GLP1R: variants seen among roughly 807,000 people sequenced by gnomAD.
GLP1R encodes the protein glucagon-like peptide 1 receptor.
A neutral mutation model predicts 68.4 loss-of-function variants in GLP1R; 32 were observed. The observed-to-expected ratio is 0.47, with a 90% CI of 0.35 to 0.63. GLP1R has a LOEUF of 0.63. GLP1R is among the 20% of genes least tolerant of loss of function. GLP1R has a pLI of 0.00. For synonymous variants in GLP1R, 263 were observed against 244.4 expected, an observed-to-expected ratio of 1.08 and a Z score of -0.71; for missense variants, 502 against 594.9, an observed-to-expected ratio of 0.84 and a Z score of 1.62.
chr6:39,079,497 A>C lies in GLP1R; in HGVS notation c.1044-67A>C. ...GGACTTGGTAGGAAGTGGGGAGGGTAGAGAAAGGGAAGAAGAGTCCATGGG... is the reference window on the plus strand; with the variant it reads ...GGACTTGGTAGGAAGTGGGGAGGGTCGAGAAAGGGAAGAAGAGTCCATGGG... On this transcript the variant is annotated intron_variant, in intron 10 of 12. Transcript: ENST00000373256. This position sits in a 1 kb window ranked among gnomAD's most constrained non-coding sequence, Gnocchi z 4.5. 7.0e-7 allele frequency: 1 copy of C among 1,425,450 alleles called. No individual in the cohort carries two copies. The highest frequency in any genetic ancestry group is 9.5e-7 in the Non-Finnish European group (1 of 1,049,836). The allele number at this position is 1,425,450 out of a possible 1,614,324, so 88.3% of individuals were successfully genotyped here.
chr6:39,072,834 C>A, intron 5 of GLP1R, 28 bp from the exon 6 acceptor site: 1 of 1,605,094 alleles, frequency 6.2e-7, no homozygotes, highest in South Asian at 1.1e-5. Context: ...GCTGCCTTGC[C>A]AGGGAAAGGC....
At position 39,079,313 on chromosome 6, in the gene GLP1R, C is replaced by T. The variant is rs981372539; in HGVS notation, c.1043+113C>T. Reference sequence around the variant, plus strand: ...TTAGCTTAGAGCCCTACACTACCCTCTCCTTCCACCCAGGCCTGGCCTTGG... The same window carrying T: ...TTAGCTTAGAGCCCTACACTACCCTTTCCTTCCACCCAGGCCTGGCCTTGG... On this transcript the variant is annotated intron_variant, in intron 10 of 12. Transcript: ENST00000373256. The surrounding 1 kb of genome is among the most constrained non-coding windows in gnomAD (Gnocchi z 4.5). The T allele has an allele frequency of 1.0e-5, 9 of 887,200 alleles. No individual in the cohort carries two copies. The highest frequency in any genetic ancestry group is 6.5e-5 in the African/African-American group (4 of 61,156). The allele number at this position is 887,200 out of a possible 1,614,324, so 55.0% of individuals were successfully genotyped here.
In GLP1R at chr6:39,087,940, G is replaced by C. The variant is rs924869853; in HGVS notation, c.*1867G>C. Among the ~76,000 whole-genome samples, 9 of 152,138 alleles carry C rather than the reference G, an allele frequency of 5.9e-5. No homozygotes were observed. Among genetic ancestry groups the C allele is most frequent in the Non-Finnish European group, 1.2e-4 (8 of 68,014 alleles). ...AGCGTGGGCACCAGTGGGTTGATGT[G>C]GGAAACAGTGCTGGTGCAAGTGTTT... On this transcript the variant is annotated 3_prime_UTR_variant, in exon 13 of 13. Transcript: ENST00000373256.
chr6:39,048,819 G>T lies in GLP1R; in HGVS notation c.-22G>T. The T allele has an allele frequency of 8.0e-7, 1 of 1,252,690 alleles. No homozygotes were observed. The allele number at this position is 1,252,690 out of a possible 1,614,324, so 77.6% of individuals were successfully genotyped here. On this transcript the variant is annotated 5_prime_UTR_variant, in exon 1 of 13. Transcript: ENST00000373256. ...CGCGGTTCCGCAGGTGGCAGCGATG[G>T]CCCAGTCCTGAACTCCCCGCCATGG...
chr6:39,054,660 G>C (rs993500725), intron 1 of GLP1R, among the ~76,000 whole-genome samples: 6 of 152,132 alleles, frequency 3.9e-5, no homozygotes, highest in African/African-American at 1.4e-4. Flanking sequence ...ATACCTCTCT[G>C]CCTGCCCCAG....
intron 5 of GLP1R, among the ~76,000 whole-genome samples, chr6:39,069,741 T>A (rs1768610512): frequency 6.6e-6 from 1 of 152,178 alleles, no homozygotes; most frequent in East Asian, 1.9e-4. Flanking sequence ...ATAGACTTTT[T>A]TCTATCCCAC....
chr6:39,086,049 C>T lies in GLP1R; in HGVS notation c.1368C>T (p.Ala456=), dbSNP rs143473395. 356 of 1,613,816 alleles carry T rather than the reference C, an allele frequency of 2.2e-4. 1 individual carries two copies. Among genetic ancestry groups the T allele is most frequent in the Non-Finnish European group, 2.9e-4 (344 of 1,179,942 alleles). ...GATAGSSMYT[A]TCQASCS ...CGGCGGGCAGCAGCATGTACACAGCCACTTGCCAGGCCTCCTGCAGCTGAG... is the reference window on the plus strand; with the variant it reads ...CGGCGGGCAGCAGCATGTACACAGCTACTTGCCAGGCCTCCTGCAGCTGAG... The change falls in exon 13 of 13, where the codon GCC becomes GCT. Residue 456 remains alanine, a synonymous_variant. Transcript: ENST00000373256. This position sits in a 1 kb window ranked among gnomAD's most constrained non-coding sequence, Gnocchi z 4.5.
chr6:39,060,654 C>T (rs995391780), intron 3 of GLP1R, among the ~76,000 whole-genome samples: 4 of 152,226 alleles, frequency 2.6e-5, no homozygotes, highest in African/African-American at 4.8e-5. Flanking sequence ...GCCCTTCCAT[C>T]TTCTGCCAAT....
rs2150835569 is a variant in GLP1R at position 39,078,366 on chromosome 6, C to T, written c.868C>T (p.Leu290Phe). The change falls in exon 8 of 13, where the codon CTC (leucine) becomes TTC (phenylalanine). Residue 290 changes from leucine to phenylalanine, a missense_variant. Transcript: ENST00000373256. ...FVVPWGIVKY[L>F]YEDEGCWTRN... ...TGTCCCCTGGGGCATTGTCAAGTAC[C>T]TCTATGAGGACGAGGGGTGAGTGTC... The T allele has an allele frequency of 6.2e-7, 1 of 1,611,914 alleles. No homozygotes were observed. The highest frequency in any genetic ancestry group is 1.1e-5 in the South Asian group (1 of 91,018).
At chr6:39,055,110 G>A (rs1171646587) in intron 1 of GLP1R, among the ~76,000 whole-genome samples, 1 of 152,200 alleles carries the variant, frequency 6.6e-6, no homozygotes, top group Non-Finnish European at 1.5e-5. Context: ...GGCCTCCGAG[G>A]CAGCAAGGGG....
intron 3 of GLP1R, among the ~76,000 whole-genome samples, chr6:39,063,347 T>G (rs3778445): frequency 0.074 from 11,199 of 152,226 alleles, 533 homozygotes; most frequent in African/African-American, 0.12. Context: ...GAGGCATTTG[T>G]GGGCTTGAGA....
At chr6:39,065,663 G>C (rs1214649162) in intron 3 of GLP1R, 48 bp from the exon 4 acceptor site, 4 of 1,218,786 alleles carry the variant, frequency 3.3e-6, no homozygotes, top group Non-Finnish European at 4.7e-6. Flanking sequence ...CACTGGGCAG[G>C]CTGCCCTATT....
chr6:39,067,772 A>C (rs769068802), intron 5 of GLP1R, among the ~76,000 whole-genome samples: 6 of 152,222 alleles, frequency 3.9e-5, no homozygotes, highest in Non-Finnish European at 8.8e-5. Context: ...TCTAAGTCCA[A>C]AGTCTCATCT....
chr6:39,063,369 C>T (rs894474764), intron 3 of GLP1R, among the ~76,000 whole-genome samples: 14 of 152,100 alleles, frequency 9.2e-5, no homozygotes, highest in Admixed American at 5.9e-4. Flanking sequence ...GGGCCCTTCG[C>T]GTTGCTAAAA....
At chr6:39,084,534 G>C (rs1457300207) in intron 12 of GLP1R, among the ~76,000 whole-genome samples, 1 of 152,152 alleles carries the variant, frequency 6.6e-6, no homozygotes, top group Non-Finnish European at 1.5e-5. Flanking sequence ...CCTCCTGGCA[G>C]CTGCACAAGT....
rs1464150094 is a variant in GLP1R, at chr6:39,089,590, G to A, written c.*3517G>A. ...TCAGTCCCTCCCATTTCTTTCTTCC[G>A]CAAGGAAAGAACATTGCATGTGGGC... On this transcript the variant is annotated 3_prime_UTR_variant, in exon 13 of 13. Coordinates refer to ENST00000373256, the MANE Select transcript of GLP1R (RefSeq NM_002062.5). The surrounding 1 kb of genome is among the most constrained non-coding windows in gnomAD (Gnocchi z 4.1). Among the ~76,000 whole-genome samples the A allele has an allele frequency of 1.3e-5, 2 of 152,086 alleles. No individual in the cohort carries two copies. Among genetic ancestry groups the A allele is most frequent in the African/African-American group, 4.8e-5 (2 of 41,394 alleles).
rs1769164588 is a variant in GLP1R, at chr6:39,086,902, G to A, written c.*829G>A. ...AAGAATCCTCTGGGGTTCATCTAGGGACACGTTAGGAATGTCCAGACTGTG... is the reference window on the plus strand; with the variant it reads ...AAGAATCCTCTGGGGTTCATCTAGGAACACGTTAGGAATGTCCAGACTGTG... On this transcript the variant is annotated 3_prime_UTR_variant, in exon 13 of 13. Coordinates refer to ENST00000373256, the MANE Select transcript of GLP1R (RefSeq NM_002062.5). This position sits in a 1 kb window ranked among gnomAD's most constrained non-coding sequence, Gnocchi z 4.5. 1 of 152,582 alleles carries A rather than the reference G, an allele frequency of 6.6e-6. No individual in the cohort carries two copies. The highest frequency in any genetic ancestry group is 1.5e-5 in the Non-Finnish European group (1 of 68,048). 9.5% of individuals were successfully genotyped at this position (152,582 alleles called of 1,614,324 possible). A position where few individuals can be genotyped will look rare whatever the true frequency, so the allele number is the denominator to read the frequency against.
chr6:39,083,515 G>A (rs1329108649), intron 12 of GLP1R, among the ~76,000 whole-genome samples: 1 of 152,208 alleles, frequency 6.6e-6, no homozygotes, highest in Middle Eastern at 3.2e-3. Flanking sequence ...CAGGGAGGGG[G>A]AGGCCTGAAG....
chr6:39,080,645 T>G, intron 11 of GLP1R, 53 bp from the exon 12 acceptor site: 1 of 1,328,954 alleles, frequency 7.5e-7, no homozygotes, highest in Non-Finnish European at 1.1e-6. Context: ...AGGGCCAGTC[T>G]GCAGGGCACC....
Sources: allele counts gnomAD v4.1 joint callset (sites outside exome capture counted in the v4.1 genomes callset), GRCh38; gene constraint gnomAD v4.1.1; non-coding constraint Gnocchi (gnomAD v3.1); transcripts MANE v1.5; gene names NCBI Gene and HGNC (gene_info 2026-07-23, HGNC 2026-07-21).